ZBBX: variants seen among roughly 807,000 people sequenced by gnomAD.
The protein encoded by ZBBX is zinc finger B-box domain containing.
ZBBX carries 101 observed loss-of-function variants against 108.5 expected under a neutral mutation model. That is an observed-to-expected ratio of 0.93 (90% CI 0.79 to 1.10). The LOEUF is 1.10. ZBBX is among the 50% of genes least tolerant of loss of function. The probability of loss-of-function intolerance (pLI) is 0.00; values close to 1 mark genes in which losing one functional copy is unlikely to be tolerated. For synonymous variants in ZBBX, 356 were observed against 323.4 expected (o/e 1.10, Z -1.08); for missense variants, 1,009 against 941.4 (o/e 1.07, Z -0.94).
At chr3:167,180,846 C>T in the ZBBX span, among the ~76,000 whole-genome samples, 1 of 152,156 alleles carries the variant, frequency 6.6e-6, no homozygotes, top group Non-Finnish European at 1.5e-5. Context: ...CAGGAGAAGC[C>T]AATCCTGGCT....
At chr3:167,325,150 C>T (rs1737130966) in intron 11 of ZBBX, among the ~76,000 whole-genome samples, 2 of 152,104 alleles carry the variant, frequency 1.3e-5, no homozygotes, top group Non-Finnish European at 2.9e-5. Flanking sequence ...TTTCCAAACT[C>T]GTGTGATACA....
At chr3:167,229,540 C>T in the ZBBX span, among the ~76,000 whole-genome samples, 122,170 of 151,688 alleles carry the variant, frequency 0.81, 49,510 homozygotes, top group East Asian at 0.91. Context: ...AAGTATCTCA[C>T]AGAATTATTT....
chr3:167,226,945 G>T, the ZBBX span, among the ~76,000 whole-genome samples: 2 of 151,730 alleles, frequency 1.3e-5, no homozygotes, highest in African/African-American at 4.8e-5. Context: ...ATCTTTGTGT[G>T]ATGCCAGTGT....
intron 18 of ZBBX, among the ~76,000 whole-genome samples, chr3:167,296,968 C>G (rs896045179): frequency 5.9e-5 from 9 of 151,938 alleles, no homozygotes; most frequent in Admixed American, 5.9e-4. Context: ...TTTCTGATTT[C>G]AAAACTTATT....
At chr3:167,284,082 A>G (rs1467513285) in intron 19 of ZBBX, among the ~76,000 whole-genome samples, 1 of 152,026 alleles carries the variant, frequency 6.6e-6, no homozygotes, top group African/African-American at 2.4e-5. Flanking sequence ...ATTTTAATTG[A>G]AATAAAATTA....
chr3:167,180,879 A>G, the ZBBX span, among the ~76,000 whole-genome samples: 4 of 152,360 alleles, frequency 2.6e-5, 1 homozygote, highest in East Asian at 7.7e-4. Flanking sequence ...TGGGTTGTAT[A>G]ACTGAATTAA....
chr3:167,311,850 C>A (rs1253493724), intron 16 of ZBBX, among the ~76,000 whole-genome samples: 1 of 152,094 alleles, frequency 6.6e-6, no homozygotes, highest in African/African-American at 2.4e-5. Flanking sequence ...AATAGTACAG[C>A]TACTTTGGTA....
rs1219873217 is a variant in ZBBX at position 167,262,062 on chromosome 3, C to A, written c.2255-19419G>T. Among the ~76,000 whole-genome samples the A allele has an allele frequency of 2.0e-5, 3 of 152,196 alleles. No individual in the cohort carries two copies. The East Asian group carries it at 5.8e-4, about 29-fold the overall frequency. The stretch of plus-strand genomic sequence containing the variant: ...TACCCCTGTATTTTGCTCGGCTCTC[C>A]AAATTAACTCAGCTCCAGGTAAAGT... On this transcript the variant is annotated intron_variant, in intron 20 of 21. Coordinates refer to ENST00000675490, the MANE Select transcript of ZBBX (RefSeq NM_001199201.2).
intron 9 of ZBBX, among the ~76,000 whole-genome samples, chr3:167,339,131 T>C (rs1740097771): frequency 6.6e-6 from 1 of 151,888 alleles, no homozygotes; most frequent in Non-Finnish European, 1.5e-5. Context: ...ATTCTTAAGG[T>C]TTTTTTCCCA....
chr3:167,190,438 T>C, the ZBBX span, among the ~76,000 whole-genome samples: 1 of 146,842 alleles, frequency 6.8e-6, no homozygotes, highest in Non-Finnish European at 1.5e-5. Flanking sequence ...TGGAGTGCAG[T>C]GGCGCAATCT....
rs147151722 is a variant in ZBBX at position 167,327,131 on chromosome 3, G to A, written c.862+811C>T. On this transcript the variant is annotated intron_variant, in intron 11 of 21. Transcript: ENST00000675490. ...TCATCAATGTCTAGAATGTAGGAGC[G>A]AAATTATAAAAAAAAAAAAAAGAAC... 9.0e-3 allele frequency among the ~76,000 whole-genome samples: 1,278 copies of A among 142,232 alleles called. 17 individuals carry two copies. The highest frequency in any genetic ancestry group is 0.013 in the Non-Finnish European group (854 of 65,762). The allele number at this position is 142,232 out of a possible 152,430, so 93.3% of individuals were successfully genotyped here.
chr3:167,248,769 G>A (rs1722046748), intron 20 of ZBBX: 2 of 396,710 alleles, frequency 5.0e-6, no homozygotes, highest in East Asian at 7.3e-5. Flanking sequence ...ATGCTTCATG[G>A]CATAAACAGG....
intron 21 of ZBBX, 80 bp from the exon 22 acceptor site, chr3:167,240,999 A>G: frequency 1.3e-6 from 2 of 1,505,892 alleles, no homozygotes; most frequent in East Asian, 2.4e-5. Flanking sequence ...TCAATACTAC[A>G]TATGTTGGAG....
chr3:167,295,003 C>T (rs4317094), intron 18 of ZBBX, among the ~76,000 whole-genome samples: 55,040 of 152,048 alleles, frequency 0.36, 10,460 homozygotes, highest in Non-Finnish European at 0.43. Flanking sequence ...TACCATCTTA[C>T]GCCAGTTAGA....
chr3:167,245,967 A>G (rs962617726), intron 20 of ZBBX, among the ~76,000 whole-genome samples: 2 of 152,154 alleles, frequency 1.3e-5, no homozygotes, highest in Admixed American at 6.5e-5. Flanking sequence ...AAGACAAAGA[A>G]ATGTGGGAGT....
At chr3:167,247,651 CT>C (rs1216292970) in intron 20 of ZBBX, among the ~76,000 whole-genome samples, 10 of 152,258 alleles carry the variant, frequency 6.6e-5, no homozygotes, top group Non-Finnish European at 1.3e-4. Context: ...ACATTCACCC[CT>C]AGACACTGTC....
chr3:167,407,337 T>C (rs2108646759), intron 1 of ZBBX, among the ~76,000 whole-genome samples: 1 of 152,332 alleles, frequency 6.6e-6, no homozygotes, highest in African/African-American at 2.4e-5. Context: ...CCAATGCTAA[T>C]GTCCATACCT....
intron 17 of ZBBX, among the ~76,000 whole-genome samples, chr3:167,301,057 CT>C (rs1484840368): frequency 2.0e-5 from 3 of 151,034 alleles, no homozygotes; most frequent in African/African-American, 7.3e-5. Context: ...GTTATTTTTT[CT>C]AATTCTCTCT....
At chr3:167,275,843 A>C (rs1220098080) in intron 20 of ZBBX, among the ~76,000 whole-genome samples, 3 of 152,290 alleles carry the variant, frequency 2.0e-5, no homozygotes, top group Admixed American at 6.5e-5. Context: ...GACAAACAAA[A>C]AGACAGCAGT....
Sources: gnomAD v4.1 joint callset for allele counts (sites outside exome capture counted in the v4.1 genomes callset) on GRCh38, gnomAD v4.1.1 for gene constraint, MANE v1.5 for transcripts, NCBI Gene and HGNC (gene_info 2026-07-23, HGNC 2026-07-21) for gene names.